The following NTM variants were observed in gnomAD, a reference collection of about 807,000 sequenced individuals.
The protein encoded by NTM is neurotrimin, also known as IgLON family member 2.
Under a neutral mutation model 42.1 loss-of-function variants are expected in NTM, and 13 were observed. The ratio of observed to expected loss-of-function variants is 0.31; its 90% CI spans 0.20 to 0.49. The LOEUF (loss-of-function observed/expected upper bound fraction) is 0.49, where lower values mean the gene tolerates loss of function less well. NTM is among the 20% of genes least tolerant of loss of function. The pLI, the probability that NTM is intolerant of heterozygous loss-of-function variation, is 0.99. For missense variants in NTM, 373 were observed against 452.8 expected (o/e 0.82, Z 1.60); for synonymous variants, 187 against 179.2 (o/e 1.04, Z -0.35).
intron 2 of NTM, among the ~76,000 whole-genome samples, chr11:132,132,375 TATTTC>T (rs754381843): frequency 1.3e-5 from 2 of 152,270 alleles, no homozygotes; most frequent in Non-Finnish European, 2.9e-5. Context: ...TTCTCTGCTT[TATTTC>T]ATTTAAGTAG....
At chr11:131,685,324 G>A (rs976499696) in intron 1 of NTM, among the ~76,000 whole-genome samples, 9 of 152,000 alleles carry the variant, frequency 5.9e-5, no homozygotes, top group Admixed American at 2.6e-4. Context: ...GGCTCATGGA[G>A]AGTCGGGCAT....
chr11:131,873,539 TATATATATACATATATATATACC>T (rs1304205105), intron 1 of NTM, among the ~76,000 whole-genome samples: 6,036 of 73,794 alleles, frequency 0.082, 290 homozygotes, highest in Middle Eastern at 0.14. Flanking sequence ...TGTGTGTGTG[TATATATATACATATATATATACC>T]GTATATATAT....
At chr11:132,309,931 C>CTG (rs1293896392) in intron 5 of NTM, 181 bp from the exon 6 acceptor site, 2 of 332,580 alleles carry the variant, frequency 6.0e-6, no homozygotes, top group Admixed American at 1.3e-4. Flanking sequence ...TGCCGTGCAC[C>CTG]TGTAATCCCA....
chr11:131,919,451 G>A (rs558662719), intron 2 of NTM, among the ~76,000 whole-genome samples: 23 of 152,244 alleles, frequency 1.5e-4, no homozygotes, highest in African/African-American at 5.1e-4. Flanking sequence ...AGGAAGCAAC[G>A]GGGAAGTTTA....
chr11:131,413,847 A>T (rs1276353907), intron 1 of NTM, among the ~76,000 whole-genome samples: 2 of 152,156 alleles, frequency 1.3e-5, no homozygotes, highest in African/African-American at 4.8e-5. Context: ...CCACATGGTT[A>T]CTGTGTTGAT....
At chr11:132,202,780 C>T (rs2081354115) in intron 3 of NTM, among the ~76,000 whole-genome samples, 1 of 152,190 alleles carries the variant, frequency 6.6e-6, no homozygotes, top group South Asian at 2.1e-4. Context: ...CTTCCTTCCA[C>T]ATTTCAGTTG....
At chr11:131,786,707 A>G (rs1005796177) in intron 1 of NTM, among the ~76,000 whole-genome samples, 1 of 151,902 alleles carries the variant, frequency 6.6e-6, no homozygotes, top group Admixed American at 6.5e-5. Flanking sequence ...AAACATGTTA[A>G]AGTCAAGCTC....
chr11:131,844,935 T>C (rs1460118850), intron 1 of NTM, among the ~76,000 whole-genome samples: 1 of 152,210 alleles, frequency 6.6e-6, no homozygotes, highest in East Asian at 1.9e-4. Context: ...ATCCTTATTA[T>C]CTTCATTTCT....
intron 1 of NTM, among the ~76,000 whole-genome samples, chr11:131,463,283 C>T (rs1346860877): frequency 6.6e-6 from 1 of 152,238 alleles, no homozygotes; most frequent in African/African-American, 2.4e-5. Flanking sequence ...ACAGCAGGTG[C>T]ACATGGCAGG....
At chr11:132,214,095 G>T (rs2083383415) in intron 4 of NTM, among the ~76,000 whole-genome samples, 1 of 152,324 alleles carries the variant, frequency 6.6e-6, no homozygotes, top group South Asian at 2.1e-4. Flanking sequence ...TCATGTGTCT[G>T]CCAGTCTCTC....
intron 1 of NTM, among the ~76,000 whole-genome samples, chr11:131,763,519 T>C (rs951800560): frequency 3.3e-5 from 5 of 152,106 alleles, no homozygotes; most frequent in Admixed American, 6.5e-5. Context: ...CTGTTCAGTT[T>C]AGGGGATTAT....
intron 1 of NTM, among the ~76,000 whole-genome samples, chr11:131,700,613 T>TA (rs781640706): frequency 6.6e-6 from 1 of 152,236 alleles, no homozygotes; most frequent in Admixed American, 6.5e-5. Context: ...ATTTAATCCT[T>TA]ACAGCAACCC....
Position 131,999,033 on chromosome 11 carries a change from A to G in NTM, c.167+87385A>G, listed in dbSNP as rs141777040. 4.4e-3 allele frequency among the ~76,000 whole-genome samples: 669 copies of G among 152,262 alleles called. 8 individuals are homozygous for G. The highest frequency in any genetic ancestry group is 0.015 in the African/African-American group (627 of 41,552). Reference sequence around the variant, plus strand: ...TCCAGATCCAGAATCACTCAGCCCCAGCTGAACTGCCATGCTGACAACCTG... The same window carrying G: ...TCCAGATCCAGAATCACTCAGCCCCGGCTGAACTGCCATGCTGACAACCTG... On this transcript the variant is annotated intron_variant, in intron 2 of 8. Transcript: ENST00000683400.
At chr11:131,789,110 G>A (rs2089752301) in intron 1 of NTM, among the ~76,000 whole-genome samples, 1 of 151,942 alleles carries the variant, frequency 6.6e-6, no homozygotes, top group Admixed American at 6.6e-5. Flanking sequence ...CCGAATACAG[G>A]AGTCTAGTAT....
At chr11:131,838,217 G>A (rs115064864) in intron 1 of NTM, among the ~76,000 whole-genome samples, 2,696 of 152,108 alleles carry the variant, frequency 0.018, 72 homozygotes, top group African/African-American at 0.062. Context: ...CAGGTCCTGC[G>A]CATGCTCAGT....
intron 2 of NTM, among the ~76,000 whole-genome samples, chr11:132,107,609 A>T (rs1337956614): frequency 6.6e-6 from 1 of 151,648 alleles, no homozygotes; most frequent in East Asian, 1.9e-4. Flanking sequence ...GGGTCAAGTG[A>T]TCCCCCTGCC....
intron 1 of NTM, among the ~76,000 whole-genome samples, chr11:131,729,004 T>C (rs576343478): frequency 6.6e-6 from 1 of 152,306 alleles, no homozygotes; most frequent in African/African-American, 2.4e-5. Context: ...AGATAATGCA[T>C]CATAGGGTTG....
chr11:132,323,341 G>T (rs1333203926), intron 7 of NTM, among the ~76,000 whole-genome samples: 5 of 151,950 alleles, frequency 3.3e-5, no homozygotes, highest in Admixed American at 2.0e-4. Flanking sequence ...TGATAAAGGG[G>T]ATATCACCAC....
At chr11:132,274,545 T>C (rs967683994) in intron 4 of NTM, among the ~76,000 whole-genome samples, 1 of 152,170 alleles carries the variant, frequency 6.6e-6, no homozygotes, top group Non-Finnish European at 1.5e-5. Flanking sequence ...TATTTAGAAG[T>C]GTATTGTTAG....
Sources: allele counts gnomAD v4.1 joint callset (sites outside exome capture counted in the v4.1 genomes callset), GRCh38; gene constraint gnomAD v4.1.1; transcripts MANE v1.5; gene names NCBI Gene and HGNC (gene_info 2026-07-23, HGNC 2026-07-21).